PSD3: variants seen among roughly 807,000 people sequenced by gnomAD.
PSD3 encodes pleckstrin and Sec7 domain containing 3.
Under a neutral mutation model 105.5 loss-of-function variants are expected in PSD3, and 49 were observed. The observed-to-expected ratio is 0.46, with a 90% CI of 0.37 to 0.59. The LOEUF (loss-of-function observed/expected upper bound fraction) is 0.59. PSD3 is among the 20% of genes least tolerant of loss of function. The probability of loss-of-function intolerance (pLI) is 0.00; values close to 1 mark genes in which losing one functional copy is unlikely to be tolerated. For synonymous variants in PSD3, 557 were observed against 457.8 expected, an observed-to-expected ratio of 1.22 and a Z score of -2.77; for missense variants, 1,561 against 1,263.8, an observed-to-expected ratio of 1.24 and a Z score of -3.57.
At chr8:18,772,455 T>C (rs2129444450) in intron 8 of PSD3, among the ~76,000 whole-genome samples, 1 of 152,328 alleles carries the variant, frequency 6.6e-6, no homozygotes, top group South Asian at 2.1e-4. Flanking sequence ...TAGTTTTTAT[T>C]TGCATTTCTA....
chr8:18,560,175 T>TACACACACACACAC lies in PSD3; in HGVS notation c.2785-3837_2785-3824dup, dbSNP rs5889808. Among the ~76,000 whole-genome samples the TACACACACACACAC allele has an allele frequency of 6.1e-3, 870 of 143,414 alleles. 9 individuals are homozygous for TACACACACACACAC. Among genetic ancestry groups the TACACACACACACAC allele is most frequent in the African/African-American group, 0.018 (674 of 38,320 alleles). 94.1% of individuals were successfully genotyped at this position (143,414 alleles called of 152,430 possible). A position where few individuals can be genotyped will look rare whatever the true frequency, so the allele number is the denominator to read the frequency against. On this transcript the variant is annotated intron_variant, in intron 14 of 15. Transcript: ENST00000327040. ...CCCATGATAAGAAAGATACACATTTTACACACACACACACACACACACACA... is the reference window on the plus strand; with the variant it reads ...CCCATGATAAGAAAGATACACATTTTACACACACACACACACACACACACACACACACACACACA...
intron 12 of PSD3, 42 bp from the exon 13 acceptor site, chr8:18,575,327 C>G: frequency 6.8e-7 from 1 of 1,472,894 alleles, no homozygotes; most frequent in South Asian, 1.5e-5. Flanking sequence ...AAATCACGAT[C>G]AGATTTCAAC....
chr8:19,004,352 T>C (rs79630109), intron 1 of PSD3, among the ~76,000 whole-genome samples: 1 of 152,034 alleles, frequency 6.6e-6, no homozygotes, highest in East Asian at 1.9e-4. Context: ...ACAATATTTG[T>C]TACACAAGTC....
chr8:18,574,733 C>T (rs1482529966), intron 13 of PSD3, among the ~76,000 whole-genome samples: 1 of 152,174 alleles, frequency 6.6e-6, no homozygotes, highest in Non-Finnish European at 1.5e-5. Flanking sequence ...ACGTTATCCC[C>T]CACACTAGTG....
At chr8:18,900,978 T>C (rs1415348086) in intron 2 of PSD3, among the ~76,000 whole-genome samples, 1 of 152,232 alleles carries the variant, frequency 6.6e-6, no homozygotes, top group Admixed American at 6.5e-5. Flanking sequence ...TATGCAGTTA[T>C]GATTTAATAC....
intron 1 of PSD3, among the ~76,000 whole-genome samples, chr8:19,003,382 T>C (rs1826501775): frequency 6.6e-6 from 1 of 151,736 alleles, no homozygotes; most frequent in Non-Finnish European, 1.5e-5. Context: ...ACCCCGTCTT[T>C]AAAAAACAAA....
chr8:18,593,455 G>A (rs945917757), intron 12 of PSD3, among the ~76,000 whole-genome samples: 39 of 152,070 alleles, frequency 2.6e-4, no homozygotes, highest in Non-Finnish European at 3.4e-4. Flanking sequence ...AACGGCGATC[G>A]TTAAAAAGTC....
intron 8 of PSD3, among the ~76,000 whole-genome samples, chr8:18,773,071 C>A (rs965369678): frequency 2.6e-5 from 4 of 152,070 alleles, no homozygotes; most frequent in African/African-American, 9.7e-5. Context: ...CTTTTGGTGT[C>A]ACAGTGAAGA....
chr8:18,984,348 C>T (rs1379406729), intron 1 of PSD3, among the ~76,000 whole-genome samples: 6 of 151,998 alleles, frequency 3.9e-5, no homozygotes, highest in Admixed American at 2.6e-4. Context: ...GGTATTCATA[C>T]ATTAAAATGA....
chr8:18,912,476 G>T (rs1337333476), intron 2 of PSD3, among the ~76,000 whole-genome samples: 1 of 151,832 alleles, frequency 6.6e-6, no homozygotes, highest in Non-Finnish European at 1.5e-5. Flanking sequence ...CTTTCAGAAG[G>T]AAAAAAATAT....
In PSD3 at chr8:18,806,649, G is replaced by A. The variant is rs115997026; in HGVS notation, c.1635-1751C>T. Among the ~76,000 whole-genome samples the A allele has an allele frequency of 4.9e-3, 739 of 151,636 alleles. 9 individuals are homozygous for A. Among genetic ancestry groups the A allele is most frequent in the African/African-American group, 0.017 (717 of 41,500 alleles). ...ACATATGGCCCCTGTCACACATGCTGCTTTGTTGTTGTTGTTTTGTTACAA... is the reference window on the plus strand; with the variant it reads ...ACATATGGCCCCTGTCACACATGCTACTTTGTTGTTGTTGTTTTGTTACAA... On this transcript the variant is annotated intron_variant, in intron 4 of 15. Coordinates refer to ENST00000327040, the MANE Select transcript of PSD3 (RefSeq NM_015310.4).
At chr8:18,785,680 C>T (rs962694952) in intron 8 of PSD3, among the ~76,000 whole-genome samples, 1 of 152,162 alleles carries the variant, frequency 6.6e-6, no homozygotes, top group Admixed American at 6.5e-5. Context: ...AGCTTCTGGC[C>T]TATCTCAGCC....
At chr8:18,871,490 A>T in intron 3 of PSD3, 136 bp downstream of exon 3, 1 of 1,146,236 alleles carries the variant, frequency 8.7e-7, no homozygotes. Flanking sequence ...GACCTAGCTC[A>T]CAGTAACTCA....
rs549151881 is a variant in PSD3 at position 18,867,724 on chromosome 8, G to A, written c.1584C>T (p.Ala528=). Residue 528 remains alanine, a synonymous_variant, in exon 4 of 16, where the codon GCC becomes GCT. Coordinates refer to ENST00000327040, the MANE Select transcript of PSD3 (RefSeq NM_015310.4). The part of the protein sequence containing the change: ...SSGVTNGLND[A]SDSIYTKGTP... ...TGCCTTTCGTGTAGATGGAGTCGCTGGCATCATTCAGCCCATTGGTGACGC... is the reference window on the plus strand; with the variant it reads ...TGCCTTTCGTGTAGATGGAGTCGCTAGCATCATTCAGCCCATTGGTGACGC... 9 of 1,610,718 alleles carry A rather than the reference G, an allele frequency of 5.6e-6. No homozygotes were observed. In the East Asian group the frequency reaches 1.8e-4, roughly 32 times the overall value.
rs931056210 is a variant in PSD3, at chr8:18,997,856, C to A, written c.21+15707G>T. ...CACCCATTTGTAACTGCAACTCCAC[C>A]CCCTCCCAAACTCCCTCCTCTGCCT... On this transcript the variant is annotated intron_variant, in intron 1 of 15. Coordinates refer to ENST00000327040, the MANE Select transcript of PSD3 (RefSeq NM_015310.4). Among the ~76,000 whole-genome samples, 4 of 151,966 alleles carry A rather than the reference C, an allele frequency of 2.6e-5. 1 individual carries two copies. The highest frequency in any genetic ancestry group is 9.7e-5 in the African/African-American group (4 of 41,360).
intron 9 of PSD3, among the ~76,000 whole-genome samples, chr8:18,686,582 C>A (rs1399821035): frequency 6.6e-6 from 1 of 152,208 alleles, no homozygotes; most frequent in Non-Finnish European, 1.5e-5. Context: ...TGCGACATAT[C>A]TGAGTATGTC....
At chr8:18,949,719 C>G (rs1823121380) in intron 1 of PSD3, among the ~76,000 whole-genome samples, 1 of 152,046 alleles carries the variant, frequency 6.6e-6, no homozygotes, top group African/African-American at 2.4e-5. Flanking sequence ...TGTCCATAAA[C>G]TGAGCTCAGA....
chr8:19,003,974 G>A (rs1023070900), intron 1 of PSD3, among the ~76,000 whole-genome samples: 2 of 151,998 alleles, frequency 1.3e-5, no homozygotes, highest in Admixed American at 6.6e-5. Context: ...CTTAAGACTT[G>A]CATGGGGTGA....
intron 12 of PSD3, among the ~76,000 whole-genome samples, chr8:18,589,281 A>G (rs1803425350): frequency 6.6e-6 from 1 of 152,188 alleles, no homozygotes; most frequent in South Asian, 2.1e-4. Flanking sequence ...AGCATGGATA[A>G]TCTCCAAGTA....
Sources: gnomAD v4.1 joint callset for allele counts (sites outside exome capture counted in the v4.1 genomes callset) on GRCh38, gnomAD v4.1.1 for gene constraint, MANE v1.5 for transcripts, NCBI Gene and HGNC (gene_info 2026-07-23, HGNC 2026-07-21) for gene names.